MAGI1: variants seen among roughly 807,000 people sequenced by gnomAD.
MAGI1 encodes the protein membrane associated guanylate kinase, WW and PDZ domain containing 1, also known as membrane-associated guanylate kinase, WW and PDZ domain-containing protein 1.
In MAGI1, 58 loss-of-function variants were observed where a neutral mutation model predicts 139.9. The ratio of observed to expected loss-of-function variants is 0.41; its 90% CI spans 0.34 to 0.52. MAGI1 has a LOEUF of 0.52. MAGI1 is among the 20% of genes least tolerant of loss of function. The pLI is 0.12. For missense variants in MAGI1, 1,874 were observed against 1,901.6 expected (o/e 0.99, Z 0.27); for synonymous variants, 812 against 737.9 (o/e 1.10, Z -1.63).
chr3:65,938,213 A>C (rs1447202515), intron 1 of MAGI1, among the ~76,000 whole-genome samples: 2 of 151,376 alleles, frequency 1.3e-5, no homozygotes, highest in Admixed American at 6.6e-5. Flanking sequence ...CTTTCCATTT[A>C]AGTTAACTAA....
intron 1 of MAGI1, among the ~76,000 whole-genome samples, chr3:65,736,533 A>C (rs1199994159): frequency 6.6e-6 from 1 of 152,158 alleles, no homozygotes; most frequent in Non-Finnish European, 1.5e-5. Flanking sequence ...TGATGGTATA[A>C]ACTCCCAATC....
chr3:65,581,773 A>C (rs938361501), intron 2 of MAGI1, among the ~76,000 whole-genome samples: 54 of 152,254 alleles, frequency 3.5e-4, no homozygotes, highest in African/African-American at 1.3e-3. Flanking sequence ...CACAGGCATT[A>C]TCATTTTCAG....
At chr3:65,887,106 A>C (rs2060565282) in intron 1 of MAGI1, among the ~76,000 whole-genome samples, 1 of 152,190 alleles carries the variant, frequency 6.6e-6, no homozygotes, top group Non-Finnish European at 1.5e-5. Flanking sequence ...CTCAGACATG[A>C]GTAAAATAAG....
chr3:65,806,156 C>T (rs1280997893), intron 1 of MAGI1, among the ~76,000 whole-genome samples: 1 of 151,964 alleles, frequency 6.6e-6, no homozygotes, highest in Non-Finnish European at 1.5e-5. Context: ...GCTGGCCAGG[C>T]ACGGTGGCTC....
intron 1 of MAGI1, among the ~76,000 whole-genome samples, chr3:65,767,955 A>G (rs9866138): frequency 7.0e-4 from 107 of 152,286 alleles, no homozygotes; most frequent in African/African-American, 2.5e-3. Flanking sequence ...TGCATGCCCA[A>G]TGGAGTGCCT....
chr3:65,532,208 A>G (rs1241655802), intron 2 of MAGI1, among the ~76,000 whole-genome samples: 2 of 152,172 alleles, frequency 1.3e-5, no homozygotes, highest in Non-Finnish European at 2.9e-5. Context: ...TATTGGGAGC[A>G]ATTTTTTTGA....
chr3:65,533,863 A>C (rs2078827589), intron 2 of MAGI1, among the ~76,000 whole-genome samples: 1 of 152,136 alleles, frequency 6.6e-6, no homozygotes, highest in South Asian at 2.1e-4. Context: ...CATCCATCCA[A>C]TCCAAAATTC....
intron 2 of MAGI1, among the ~76,000 whole-genome samples, chr3:65,543,041 A>C (rs1309434285): frequency 1.3e-5 from 2 of 152,164 alleles, no homozygotes. Flanking sequence ...CAAGGAACTT[A>C]AACAAATTTA....
intron 1 of MAGI1, among the ~76,000 whole-genome samples, chr3:66,009,634 G>C (rs746109937): frequency 2.6e-5 from 4 of 152,166 alleles, no homozygotes; most frequent in Non-Finnish European, 5.9e-5. Context: ...ATGTTACTGA[G>C]AGAATTAAAC....
intron 1 of MAGI1, among the ~76,000 whole-genome samples, chr3:65,760,644 G>A (rs2036943495): frequency 6.6e-6 from 1 of 152,102 alleles, no homozygotes; most frequent in African/African-American, 2.4e-5. Flanking sequence ...CTAGCCTCAA[G>A]TGATCCTCTT....
chr3:66,038,143 G>T lies in MAGI1; in HGVS notation c.166C>A (p.Pro56Thr), dbSNP rs1223757564. ...AGCCTCGGGCCCTCGCCGCCGCCGG[G>T]AAGCCCCGCTGCCTCGACCGCCGCC... ...AVAAVEAAGLPGGGEGPRLGE... is the reference protein window; with the variant it reads ...AVAAVEAAGLTGGGEGPRLGE... The change falls in exon 1 of 23, where the codon CCC becomes ACC. Residue 56 changes from proline to threonine, a missense_variant. By Grantham distance (38) the Pro-to-Thr change is conservative. This residue lies in a region of MAGI1 where 648 missense variants were observed against 598.1 expected (regional missense o/e 1.08). Coordinates refer to ENST00000402939, the MANE Select transcript of MAGI1 (RefSeq NM_001033057.2). 6.2e-7 allele frequency: 1 copy of T among 1,611,994 alleles called. No homozygotes were observed. Among genetic ancestry groups the T allele is most frequent in the Non-Finnish European group, 8.5e-7 (1 of 1,179,448 alleles).
At chr3:65,786,135 T>C (rs1354143157) in intron 1 of MAGI1, among the ~76,000 whole-genome samples, 10 of 151,914 alleles carry the variant, frequency 6.6e-5, no homozygotes, top group African/African-American at 2.4e-4. Flanking sequence ...TTTATATTTT[T>C]AGTAGAGATG....
intron 1 of MAGI1, among the ~76,000 whole-genome samples, chr3:65,846,593 A>C (rs866287894): frequency 6.6e-6 from 1 of 152,244 alleles, no homozygotes; most frequent in African/African-American, 2.4e-5. Flanking sequence ...AAGTACCAGC[A>C]GTCATGATCA....
chr3:65,466,167 G>A (rs1950159329), intron 5 of MAGI1, among the ~76,000 whole-genome samples: 1 of 152,180 alleles, frequency 6.6e-6, no homozygotes, highest in Non-Finnish European at 1.5e-5. Flanking sequence ...ATAACTGCTT[G>A]CTGAAGTAAT....
intron 1 of MAGI1, among the ~76,000 whole-genome samples, chr3:65,811,712 A>G (rs1274890673): frequency 6.6e-6 from 1 of 152,042 alleles, no homozygotes; most frequent in Non-Finnish European, 1.5e-5. Context: ...AAACAAGAAA[A>G]GCAGAGCCAA....
At chr3:65,631,685 C>G (rs897897584) in intron 1 of MAGI1, among the ~76,000 whole-genome samples, 1 of 152,128 alleles carries the variant, frequency 6.6e-6, no homozygotes, top group African/African-American at 2.4e-5. Context: ...AAAGTAGGTA[C>G]GTAAACTCAT....
chr3:65,898,180 T>C (rs2108608425), intron 1 of MAGI1, among the ~76,000 whole-genome samples: 1 of 152,356 alleles, frequency 6.6e-6, no homozygotes, highest in East Asian at 1.9e-4. Context: ...AAAAGGATTC[T>C]TCTCAATGTA....
At position 65,429,191 on chromosome 3, in the gene MAGI1, G is replaced by A. The variant is rs73129687; in HGVS notation, c.2167+329C>T. 5.0e-3 allele frequency among the ~76,000 whole-genome samples: 765 copies of A among 152,132 alleles called. 5 individuals carry two copies. The highest frequency in any genetic ancestry group is 0.012 in the Admixed American group (177 of 15,270). ...TTGCCCAGTCTGGACTCAAATGCCTGGGCTCAAGTGATCTTCCTGCCTCAG... is the reference window on the plus strand; with the variant it reads ...TTGCCCAGTCTGGACTCAAATGCCTAGGCTCAAGTGATCTTCCTGCCTCAG... On this transcript the variant is annotated intron_variant, in intron 12 of 22. Coordinates refer to ENST00000402939, the MANE Select transcript of MAGI1 (RefSeq NM_001033057.2).
chr3:65,742,164 A>G (rs972539225), intron 1 of MAGI1, among the ~76,000 whole-genome samples: 13 of 152,246 alleles, frequency 8.5e-5, no homozygotes, highest in African/African-American at 3.1e-4. Context: ...GCTGTTCTTC[A>G]AAGTTTCCTG....
Sources: allele counts gnomAD v4.1 joint callset (sites outside exome capture counted in the v4.1 genomes callset), GRCh38; gene constraint gnomAD v4.1.1; regional missense constraint gnomAD v4.1.1; transcripts MANE v1.5; gene names NCBI Gene and HGNC (gene_info 2026-07-23, HGNC 2026-07-21).